The following GABRB1 variants were observed in gnomAD, a reference collection of about 807,000 sequenced individuals.
The protein encoded by GABRB1 is gamma-aminobutyric acid type A receptor subunit beta1, also known as gamma-aminobutyric acid receptor subunit beta-1.
Under a neutral mutation model 51.6 loss-of-function variants are expected in GABRB1, and 17 were observed. The ratio of observed to expected loss-of-function variants is 0.33; its 90% CI spans 0.23 to 0.49. The LOEUF (loss-of-function observed/expected upper bound fraction) is 0.49, where lower values mean the gene tolerates loss of function less well. Ranked by LOEUF, GABRB1 falls within the 20% of genes least tolerant of loss-of-function variation. GABRB1 has a pLI of 0.99. For synonymous variants in GABRB1, 247 were observed against 218.9 expected, an observed-to-expected ratio of 1.13 and a Z score of -1.14; for missense variants, 410 against 600.6, an observed-to-expected ratio of 0.68 and a Z score of 3.32.
At chr4:47,288,902 T>C (rs1455513484) in intron 4 of GABRB1, among the ~76,000 whole-genome samples, 1 of 152,164 alleles carries the variant, frequency 6.6e-6, no homozygotes, top group Non-Finnish European at 1.5e-5. Flanking sequence ...AAAGATTACA[T>C]CCATATCCTA....
At chr4:47,229,001 C>T (rs751322254) in intron 4 of GABRB1, among the ~76,000 whole-genome samples, 2 of 152,132 alleles carry the variant, frequency 1.3e-5, no homozygotes, top group Admixed American at 6.6e-5. Flanking sequence ...TTGCCAGGCA[C>T]TGTGCTGGGG....
chr4:47,310,702 G>C (rs530352371), intron 4 of GABRB1, among the ~76,000 whole-genome samples: 2 of 152,184 alleles, frequency 1.3e-5, no homozygotes, highest in Admixed American at 1.3e-4. Flanking sequence ...TCTTATCTTT[G>C]ATATTGGAGT....
chr4:47,231,731 T>C (rs1273362881), intron 4 of GABRB1, among the ~76,000 whole-genome samples: 1 of 152,212 alleles, frequency 6.6e-6, no homozygotes, highest in Non-Finnish European at 1.5e-5. Context: ...CCTGGAACAC[T>C]ATAGTGGGTA....
intron 5 of GABRB1, among the ~76,000 whole-genome samples, chr4:47,368,493 C>T (rs1479452543): frequency 6.6e-6 from 1 of 152,130 alleles, no homozygotes; most frequent in Non-Finnish European, 1.5e-5. Context: ...AACATCATAC[C>T]ATGCACAGGA....
At chr4:47,279,073 C>G (rs748410791) in intron 4 of GABRB1, among the ~76,000 whole-genome samples, 1 of 149,188 alleles carries the variant, frequency 6.7e-6, no homozygotes, top group Non-Finnish European at 1.5e-5. Context: ...GTTTCCCACT[C>G]TTTCTTAGGA....
chr4:47,276,100 G>A (rs962667049), intron 4 of GABRB1, among the ~76,000 whole-genome samples: 19 of 152,050 alleles, frequency 1.2e-4, no homozygotes, highest in Admixed American at 7.2e-4. Context: ...TTCAATACTC[G>A]TACAGAGAAA....
intron 5 of GABRB1, among the ~76,000 whole-genome samples, chr4:47,392,399 A>G (rs1479527076): frequency 2.0e-5 from 3 of 149,204 alleles, no homozygotes; most frequent in African/African-American, 7.5e-5. Context: ...ATGAAGTGCA[A>G]TGACACAATC....
At chr4:47,014,853 C>T (rs1472666499) in intron 1 of GABRB1, among the ~76,000 whole-genome samples, 3 of 152,058 alleles carry the variant, frequency 2.0e-5, no homozygotes, top group African/African-American at 7.2e-5. Context: ...TATAGAAAGA[C>T]ATAAGATGAA....
chr4:47,261,858 G>C (rs1722453096), intron 4 of GABRB1, among the ~76,000 whole-genome samples: 1 of 152,116 alleles, frequency 6.6e-6, no homozygotes, highest in African/African-American at 2.4e-5. Context: ...TAGATCAATG[G>C]AAGAGAACAG....
chr4:47,060,080 A>G (rs1726782936), intron 3 of GABRB1, among the ~76,000 whole-genome samples: 1 of 152,174 alleles, frequency 6.6e-6, no homozygotes, highest in African/African-American at 2.4e-5. Context: ...TTGAATGACA[A>G]TTCTCTGGGG....
chr4:47,012,367 G>A (rs754810599), intron 1 of GABRB1, among the ~76,000 whole-genome samples: 6 of 151,894 alleles, frequency 4.0e-5, no homozygotes, highest in South Asian at 2.1e-4. Flanking sequence ...CCCTCTGATA[G>A]GCCACAGTGT....
chr4:47,265,502 T>C (rs1321447323), intron 4 of GABRB1, among the ~76,000 whole-genome samples: 3 of 152,158 alleles, frequency 2.0e-5, no homozygotes, highest in Admixed American at 1.3e-4. Flanking sequence ...TTTTTATTTC[T>C]TTGAGAAATC....
At chr4:47,244,226 A>T (rs1043477713) in intron 4 of GABRB1, among the ~76,000 whole-genome samples, 1 of 152,174 alleles carries the variant, frequency 6.6e-6, no homozygotes, top group East Asian at 1.9e-4. Flanking sequence ...GCATCCCAGG[A>T]TGAAGCCAAC....
intron 5 of GABRB1, among the ~76,000 whole-genome samples, chr4:47,387,202 T>G (rs1052731084): frequency 3.9e-5 from 6 of 152,212 alleles, no homozygotes; most frequent in African/African-American, 1.4e-4. Context: ...CAGTGACTCA[T>G]GACTGTAATC....
At chr4:47,396,655 A>G (rs1367230843) in intron 5 of GABRB1, among the ~76,000 whole-genome samples, 1 of 152,154 alleles carries the variant, frequency 6.6e-6, no homozygotes, top group Non-Finnish European at 1.5e-5. Context: ...GGTCCAAACT[A>G]CTTTTTCCAG....
intron 3 of GABRB1, among the ~76,000 whole-genome samples, chr4:47,067,485 A>T (rs535752225): frequency 1.7e-4 from 26 of 152,296 alleles, no homozygotes; most frequent in Non-Finnish European, 2.8e-4. Flanking sequence ...AGTGTAGCCA[A>T]CTTCATCAAT....
chr4:47,071,462 A>T (rs1405651402), intron 3 of GABRB1, among the ~76,000 whole-genome samples: 1 of 152,032 alleles, frequency 6.6e-6, no homozygotes, highest in Non-Finnish European at 1.5e-5. Flanking sequence ...CTCCCCAGCC[A>T]TGCCTGCCTC....
chr4:47,169,777 C>T (rs1017580492), intron 4 of GABRB1, among the ~76,000 whole-genome samples: 2 of 152,190 alleles, frequency 1.3e-5, no homozygotes, highest in Admixed American at 1.3e-4. Flanking sequence ...GCTGGGATTA[C>T]AGGCATGAGC....
rs141026868 is a variant in GABRB1, at chr4:47,242,529, C to T, written c.462-77598C>T. Among the ~76,000 whole-genome samples the T allele has an allele frequency of 5.9e-3, 892 of 152,270 alleles. 6 individuals are homozygous for T. The highest frequency in any genetic ancestry group is 0.021 in the African/African-American group (859 of 41,548). On this transcript the variant is annotated intron_variant, in intron 4 of 8. Coordinates refer to ENST00000295454, the MANE Select transcript of GABRB1 (RefSeq NM_000812.4). ...CAGTGTAAAAGTGTTCCTATTTCTC[C>T]GCATCCTCTCCAGCACCTGTTGTTT...
Sources: gnomAD v4.1 joint callset for allele counts (sites outside exome capture counted in the v4.1 genomes callset) on GRCh38, gnomAD v4.1.1 for gene constraint, MANE v1.5 for transcripts, NCBI Gene and HGNC (gene_info 2026-07-23, HGNC 2026-07-21) for gene names.